SLC10A7: variants seen among roughly 807,000 people sequenced by gnomAD.
The protein encoded by SLC10A7 is solute carrier family 10 member 7.
Under a neutral mutation model 43.2 loss-of-function variants are expected in SLC10A7, and 29 were observed. The ratio of observed to expected loss-of-function variants is 0.67; its 90% CI spans 0.50 to 0.92. The LOEUF is 0.92. SLC10A7 is among the 40% of genes least tolerant of loss of function. The pLI is 0.00. For missense variants in SLC10A7, 295 were observed against 403.2 expected (o/e 0.73, Z 2.30); for synonymous variants, 152 against 144.8 (o/e 1.05, Z -0.35).
At chr4:146,279,284 G>T (rs549271056) in intron 10 of SLC10A7, among the ~76,000 whole-genome samples, 3 of 152,262 alleles carry the variant, frequency 2.0e-5, no homozygotes, top group African/African-American at 7.2e-5. Context: ...TAAGTATCGT[G>T]AGAAAGTTTT....
chr4:146,471,849 T>A (rs6537424), intron 4 of SLC10A7, among the ~76,000 whole-genome samples: 2 of 151,972 alleles, frequency 1.3e-5, no homozygotes, highest in African/African-American at 2.4e-5. Context: ...AAGGCCACAC[T>A]CTTTTCACTA....
intron 4 of SLC10A7, among the ~76,000 whole-genome samples, chr4:146,479,729 T>C (rs1363711996): frequency 6.6e-6 from 1 of 152,142 alleles, no homozygotes; most frequent in East Asian, 1.9e-4. Context: ...ATATACTTGA[T>C]GCCACTGAAC....
chr4:146,323,655 G>C, intron 6 of SLC10A7, among the ~76,000 whole-genome samples: 1 of 152,218 alleles, frequency 6.6e-6, no homozygotes. Flanking sequence ...GTCAGGTAGC[G>C]TGATGCCTCC....
chr4:146,407,612 G>A (rs1356217277), intron 5 of SLC10A7, among the ~76,000 whole-genome samples: 1 of 152,190 alleles, frequency 6.6e-6, no homozygotes, highest in Non-Finnish European at 1.5e-5. Context: ...TTCAAATCCA[G>A]ATACAGCATA....
At chr4:146,290,879 C>CCAAAA (rs1356457455) in intron 9 of SLC10A7, among the ~76,000 whole-genome samples, 11 of 151,946 alleles carry the variant, frequency 7.2e-5, no homozygotes, top group African/African-American at 9.7e-5. Context: ...CCAAACCAAA[C>CCAAAA]CAAAACAAAA....
In SLC10A7 at chr4:146,256,394, T is replaced by C. The variant is rs1560737376; in HGVS notation, c.*97A>G. 1 of 1,138,654 alleles carries C rather than the reference T, an allele frequency of 8.8e-7. No homozygotes were observed. Among genetic ancestry groups the C allele is most frequent in the Non-Finnish European group, 1.3e-6 (1 of 768,504 alleles). 70.5% of individuals were successfully genotyped at this position (1,138,654 alleles called of 1,614,324 possible). On this transcript the variant is annotated 3_prime_UTR_variant, in exon 12 of 12. Transcript: ENST00000335472. ...TATTTTTGTGTAAAAAAATAAAATA[T>C]GCATTGAGGCAACATTCACAAGTAC...
chr4:146,362,236 G>T (rs1238056809), intron 5 of SLC10A7, among the ~76,000 whole-genome samples: 2 of 151,898 alleles, frequency 1.3e-5, no homozygotes, highest in Non-Finnish European at 2.9e-5. Flanking sequence ...TTAATATCCA[G>T]GTAGAAGAAG....
intron 6 of SLC10A7, among the ~76,000 whole-genome samples, chr4:146,319,058 T>C (rs1732515458): frequency 6.6e-6 from 1 of 152,090 alleles, no homozygotes; most frequent in Non-Finnish European, 1.5e-5. Flanking sequence ...AGAATCATTC[T>C]TTAAAAAAGT....
At chr4:146,349,697 T>C (rs1734882930) in intron 5 of SLC10A7, among the ~76,000 whole-genome samples, 1 of 152,168 alleles carries the variant, frequency 6.6e-6, no homozygotes, top group Non-Finnish European at 1.5e-5. Context: ...AACAAAATCA[T>C]GTTCTTTGCA....
chr4:146,440,074 C>G (rs774523660), intron 5 of SLC10A7, among the ~76,000 whole-genome samples: 1 of 152,052 alleles, frequency 6.6e-6, no homozygotes, highest in Non-Finnish European at 1.5e-5. Context: ...GTAGAATGTA[C>G]TAGATGTCTC....
intron 4 of SLC10A7, among the ~76,000 whole-genome samples, chr4:146,450,895 A>G (rs547553251): frequency 6.6e-6 from 1 of 152,240 alleles, no homozygotes; most frequent in Admixed American, 6.6e-5. Context: ...ACCAGATAAC[A>G]CAACCTCCAC....
intron 4 of SLC10A7, among the ~76,000 whole-genome samples, chr4:146,479,317 A>G (rs1196680682): frequency 6.6e-6 from 1 of 152,172 alleles, no homozygotes; most frequent in Non-Finnish European, 1.5e-5. Context: ...GCTTTGTACT[A>G]TATTTCGTAG....
chr4:146,328,736 C>A (rs1733330907), intron 5 of SLC10A7, among the ~76,000 whole-genome samples: 1 of 152,138 alleles, frequency 6.6e-6, no homozygotes, highest in Non-Finnish European at 1.5e-5. Context: ...TGAAGAAATA[C>A]AGAGACTACA....
At chr4:146,290,151 C>T (rs1319363412) in intron 9 of SLC10A7, among the ~76,000 whole-genome samples, 1 of 150,580 alleles carries the variant, frequency 6.6e-6, no homozygotes, top group Non-Finnish European at 1.5e-5. Flanking sequence ...GCTGAAACCC[C>T]ATCTCTACTA....
chr4:146,441,999 C>A, intron 5 of SLC10A7: 1 of 978,548 alleles, frequency 1.0e-6, no homozygotes, highest in Non-Finnish European at 1.2e-6. Context: ...TAAATCACTG[C>A]ACTACATATC....
intron 5 of SLC10A7, among the ~76,000 whole-genome samples, chr4:146,327,020 T>G (rs1578891508): frequency 6.6e-6 from 1 of 151,526 alleles, no homozygotes; most frequent in Non-Finnish European, 1.5e-5. Context: ...GTACTATATA[T>G]CCAGACAGTG....
At chr4:146,363,235 G>T (rs550860746) in intron 5 of SLC10A7, among the ~76,000 whole-genome samples, 25 of 152,194 alleles carry the variant, frequency 1.6e-4, no homozygotes, top group Middle Eastern at 3.4e-3. Flanking sequence ...CAGTTAAACA[G>T]ATTTCAAGAT....
At chr4:146,302,013 T>G (rs1173474491) in intron 7 of SLC10A7, among the ~76,000 whole-genome samples, 1 of 152,360 alleles carries the variant, frequency 6.6e-6, no homozygotes, top group African/African-American at 2.4e-5. Flanking sequence ...CAATTCATTA[T>G]TCCCTCGGGA....
intron 5 of SLC10A7, among the ~76,000 whole-genome samples, chr4:146,350,081 CG>C (rs1734933985): frequency 6.6e-6 from 1 of 151,732 alleles, no homozygotes; most frequent in African/African-American, 2.4e-5. Flanking sequence ...GCGTGAGCGA[CG>C]CAGAAGACGG....
Sources: allele counts gnomAD v4.1 joint callset (sites outside exome capture counted in the v4.1 genomes callset), GRCh38; gene constraint gnomAD v4.1.1; transcripts MANE v1.5; gene names NCBI Gene and HGNC (gene_info 2026-07-23, HGNC 2026-07-21).